NSF: variants seen among roughly 807,000 people sequenced by gnomAD.
The protein encoded by NSF is vesicle-fusing ATPase.
NSF carries 14 observed loss-of-function variants against 50.3 expected under a neutral mutation model. The ratio of observed to expected loss-of-function variants is 0.28; its 90% CI spans 0.18 to 0.44. The LOEUF (loss-of-function observed/expected upper bound fraction) is 0.44. Among genes scored for constraint, NSF ranks in the 20% least tolerant of loss-of-function variants. NSF has a pLI of 1.00. For synonymous variants in NSF, 109 were observed against 175.7 expected (o/e 0.62, Z 3.00); for missense variants, 218 against 504.3 (o/e 0.43, Z 5.44).
At chr17:46,715,683 T>C (rs969536684) in intron 15 of NSF, among the ~76,000 whole-genome samples, 9 of 152,356 alleles carry the variant, frequency 5.9e-5, no homozygotes, top group Non-Finnish European at 1.2e-4. Flanking sequence ...ATATTATCAT[T>C]TTTATTATTT....
rs1231753371 is a variant in NSF, at chr17:46,751,484, T to C, written c.2044-19T>C. On this transcript the variant is annotated intron_variant, in intron 18 of 20. Transcript: ENST00000398238. Reference sequence around the variant, plus strand: ...GTTCACTGTAAAAGTGCTTTGATTATTGTTTATTGTTTTTGTAGCTTTTGG... The same window carrying C: ...GTTCACTGTAAAAGTGCTTTGATTACTGTTTATTGTTTTTGTAGCTTTTGG... 1 of 1,582,568 alleles carries C rather than the reference T, an allele frequency of 6.3e-7. No homozygotes were observed. The highest frequency in any genetic ancestry group is 1.1e-5 in the South Asian group (1 of 90,152).
At chr17:46,721,461 C>T (rs1439869597) in intron 15 of NSF, 1 of 667,172 alleles carries the variant, frequency 1.5e-6, no homozygotes, top group Admixed American at 2.5e-5. Context: ...CTTTAAGACC[C>T]TATATATGTA....
At chr17:46,666,173 GC>G (rs2058335752) in intron 8 of NSF, among the ~76,000 whole-genome samples, 2 of 141,062 alleles carry the variant, frequency 1.4e-5, no homozygotes, top group African/African-American at 2.7e-5. Flanking sequence ...GATAGAGGAG[GC>G]AGGAGAAAAG....
At chr17:46,717,037 A>G (rs1420729652) in intron 15 of NSF, among the ~76,000 whole-genome samples, 1 of 152,220 alleles carries the variant, frequency 6.6e-6, no homozygotes, top group African/African-American at 2.4e-5. Context: ...AGAGTTATCT[A>G]TACTCCCAAG....
chr17:46,595,863 G>C (rs2057865621), intron 1 of NSF, among the ~76,000 whole-genome samples: 1 of 141,550 alleles, frequency 7.1e-6, no homozygotes, highest in Non-Finnish European at 1.5e-5. Flanking sequence ...CCCAGTCTCT[G>C]TTATCTATTT....
intron 17 of NSF, among the ~76,000 whole-genome samples, chr17:46,747,323 C>T (rs951972860): frequency 5.9e-5 from 9 of 152,154 alleles, no homozygotes; most frequent in Admixed American, 5.9e-4. Context: ...CTTTGTCACC[C>T]AGGCAGGAGT....
At chr17:46,724,872 A>G (rs1473629775) in intron 15 of NSF, among the ~76,000 whole-genome samples, 2 of 152,000 alleles carry the variant, frequency 1.3e-5, no homozygotes, top group Non-Finnish European at 2.9e-5. Flanking sequence ...TTCCTCTGTC[A>G]TGGTTTCAGC....
At chr17:46,721,566 A>C in intron 15 of NSF, 1 of 1,455,060 alleles carries the variant, frequency 6.9e-7, no homozygotes, top group Middle Eastern at 2.4e-4. Flanking sequence ...TATACTTTTT[A>C]TTTAGCCATT....
chr17:46,724,286 G>A (rs145634724), intron 15 of NSF, among the ~76,000 whole-genome samples: 78 of 152,294 alleles, frequency 5.1e-4, no homozygotes, highest in African/African-American at 1.9e-3. Flanking sequence ...AGGACAACCC[G>A]AAAATCTCAG....
rs1470148491 is a variant in NSF at position 46,710,965 on chromosome 17, C to T, written c.1473C>T (p.Ala491=). Residue 491 remains alanine (A), a splice_region_variant and synonymous_variant, in exon 14 of 21, where the codon GCC becomes GCT. Coordinates refer to ENST00000398238, the MANE Select transcript of NSF (RefSeq NM_006178.4). ...TTTAGACTCCTTTTTCTTAATAGGCCTTTGGCACAAACCAAGAAGATTATG... is the reference window on the plus strand; with the variant it reads ...TTTAGACTCCTTTTTCTTAATAGGCTTTTGGCACAAACCAAGAAGATTATG... ...LASLENDIKP[A]FGTNQEDYAS... 6.3e-7 allele frequency: 1 copy of T among 1,589,006 alleles called. No individual in the cohort carries two copies. Among genetic ancestry groups the T allele is most frequent in the African/African-American group, 1.4e-5 (1 of 73,382 alleles).
chr17:46,751,404 G>C (rs1004018330), intron 18 of NSF, 99 bp from the exon 19 acceptor site: 3 of 822,268 alleles, frequency 3.6e-6, no homozygotes, highest in Non-Finnish European at 6.1e-6. Flanking sequence ...TGAACAGTTA[G>C]GTAGTTCTTA....
intron 17 of NSF, among the ~76,000 whole-genome samples, chr17:46,730,489 T>A (rs1472688328): frequency 1.3e-5 from 2 of 152,124 alleles, no homozygotes; most frequent in East Asian, 3.8e-4. Context: ...CTAACAGAAA[T>A]AAACAGAAAC....
At chr17:46,711,196 C>A (rs2058716346) in intron 14 of NSF, 77 bp downstream of exon 14, 1 of 1,304,476 alleles carries the variant, frequency 7.7e-7, no homozygotes, top group Non-Finnish European at 1.0e-6. Flanking sequence ...TAAGCACATT[C>A]TAGAAAAGTG....
chr17:46,707,942 A>C (rs2058672617), intron 13 of NSF, among the ~76,000 whole-genome samples: 1 of 151,600 alleles, frequency 6.6e-6, no homozygotes. Context: ...CTGAGACATG[A>C]GAATCATTTG....
rs1437011755 is a variant in NSF, at chr17:46,695,359, A to G, written c.1374+697A>G. Reference sequence around the variant, plus strand: ...ATTGAATAGTTGATGTGTTCAAGCTATTGGGCTGGAGACATAAAGATAATT... The same window carrying G: ...ATTGAATAGTTGATGTGTTCAAGCTGTTGGGCTGGAGACATAAAGATAATT... On this transcript the variant is annotated intron_variant, in intron 12 of 20. Transcript: ENST00000398238. Among the ~76,000 whole-genome samples, 5 of 100,766 alleles carry G rather than the reference A, an allele frequency of 5.0e-5. No homozygotes were observed. The East Asian group carries it at 1.0e-3, about 20-fold the overall frequency. 66.1% of individuals were successfully genotyped at this position (100,766 alleles called of 152,430 possible).
chr17:46,750,498 C>T (rs1444760635), intron 18 of NSF, among the ~76,000 whole-genome samples: 1 of 152,196 alleles, frequency 6.6e-6, no homozygotes, highest in African/African-American at 2.4e-5. Context: ...CATGTTGGCA[C>T]TCAGAAAGTT....
At chr17:46,735,880 G>C (rs544922564) in intron 17 of NSF, among the ~76,000 whole-genome samples, 1 of 152,198 alleles carries the variant, frequency 6.6e-6, no homozygotes, top group Non-Finnish European at 1.5e-5. Flanking sequence ...AGGAGGCGGA[G>C]TTTGCAGTGA....
chr17:46,697,680 CTA>C (rs2058609778), intron 12 of NSF, among the ~76,000 whole-genome samples: 1 of 147,214 alleles, frequency 6.8e-6, no homozygotes, highest in Non-Finnish European at 1.5e-5. Context: ...CATTCAGGGA[CTA>C]TGTTTTTATT....
chr17:46,721,340 C>A (rs960933476), intron 15 of NSF, among the ~76,000 whole-genome samples: 1 of 151,854 alleles, frequency 6.6e-6, no homozygotes, highest in Non-Finnish European at 1.5e-5. Flanking sequence ...GAGTAGACTT[C>A]CCGTTATTTC....
Sources: allele counts gnomAD v4.1 joint callset (sites outside exome capture counted in the v4.1 genomes callset), GRCh38; gene constraint gnomAD v4.1.1; transcripts MANE v1.5; gene names NCBI Gene and HGNC (gene_info 2026-07-23, HGNC 2026-07-21).